The following CAPN1 variants were observed in gnomAD, a reference collection of about 807,000 sequenced individuals.
CAPN1 encodes the protein calpain-1 catalytic subunit.
In CAPN1, 77 loss-of-function variants were observed where a neutral mutation model predicts 105.2. The observed-to-expected ratio is 0.73, with a 90% confidence interval of 0.61 to 0.88. The LOEUF (loss-of-function observed/expected upper bound fraction) is 0.88. Among genes scored for constraint, CAPN1 ranks in the 40% least tolerant of loss-of-function variants. The probability of loss-of-function intolerance (pLI) is 0.00; values close to 1 mark genes in which losing one functional copy is unlikely to be tolerated. For missense variants in CAPN1, 833 were observed against 976.6 expected, an observed-to-expected ratio of 0.85 and a Z score of 1.96; for synonymous variants, 355 against 388.8, an observed-to-expected ratio of 0.91 and a Z score of 1.02.
rs1948668769 is a variant in CAPN1 at position 65,188,398 on chromosome 11, G to T, written c.930-16G>T. ...GTCAGTGCCCACCAGCCCTGGCAGA[G>T]CCCTGCTCCTCACAGCTCCTCAGAG... On this transcript the variant is annotated splice_polypyrimidine_tract_variant and intron_variant, in intron 8 of 21. Transcript: ENST00000279247. The surrounding 1 kb of genome is among the most constrained non-coding windows in gnomAD (Gnocchi z 5.5). The T allele has an allele frequency of 6.2e-7, 1 of 1,603,790 alleles. No homozygotes were observed. Among genetic ancestry groups the T allele is most frequent in the East Asian group, 2.3e-5 (1 of 44,368 alleles).
intron 10 of CAPN1, among the ~76,000 whole-genome samples, chr11:65,200,932 CTTTTTTTTTTTTTTTTTT>C (rs56897147): frequency 1.0e-4 from 5 of 49,458 alleles, no homozygotes; most frequent in African/African-American, 1.4e-4. Context: ...CCATGCCTGG[CTTTTTTTTTTTTTTTTTT>C]TTTTTTTTTT....
rs771391933 is a variant in CAPN1 at position 65,209,293 on chromosome 11, TGGA to T, written c.1730-28_1730-26del. ...GGGCAGGTGCAGGAAGCTCACTAGG[TGGA>T]GATGTTGGAATTGGTTTTTCTTGCA... On this transcript the variant is annotated intron_variant, in intron 16 of 21. Coordinates refer to ENST00000279247, the MANE Select transcript of CAPN1 (RefSeq NM_005186.4). This position sits in a 1 kb window ranked among gnomAD's most constrained non-coding sequence, Gnocchi z 4.1. 10 of 1,597,682 alleles carry T rather than the reference TGGA, an allele frequency of 6.3e-6. No individual in the cohort carries two copies. In the African/African-American group the frequency reaches 1.3e-4, roughly 21 times the overall value.
At chr11:65,200,631 C>T (rs1291576916) in intron 10 of CAPN1, among the ~76,000 whole-genome samples, 1 of 152,100 alleles carries the variant, frequency 6.6e-6, no homozygotes, top group Non-Finnish European at 1.5e-5. Context: ...GTGTGAGCCA[C>T]CGTGCCCGGC....
chr11:65,197,002 A>T (rs1254124907), intron 10 of CAPN1, among the ~76,000 whole-genome samples: 1 of 152,194 alleles, frequency 6.6e-6, no homozygotes, highest in Admixed American at 6.6e-5. Flanking sequence ...TATTATCCTT[A>T]TCTTAGGGAT....
chr11:65,190,960 C>T (rs1036008239), intron 10 of CAPN1, among the ~76,000 whole-genome samples: 2 of 152,172 alleles, frequency 1.3e-5, no homozygotes, highest in Non-Finnish European at 2.9e-5. Context: ...CTGGCTTAGC[C>T]TCCCAAATTG....
chr11:65,211,159 C>A, intron 21 of CAPN1, 101 bp from the exon 22 acceptor site: 3 of 1,336,742 alleles, frequency 2.2e-6, no homozygotes, highest in Non-Finnish European at 3.2e-6. Context: ...CCTGAGGTGG[C>A]TCCTGAGACG....
At chr11:65,205,447 C>A (rs1456327763) in intron 11 of CAPN1, among the ~76,000 whole-genome samples, 4 of 152,114 alleles carry the variant, frequency 2.6e-5, no homozygotes, top group African/African-American at 9.7e-5. Context: ...TGCAGTTGGC[C>A]ACCCCGGGGG....
chr11:65,207,865 G>C (rs1279074635), intron 14 of CAPN1, among the ~76,000 whole-genome samples, 190 bp from the exon 15 acceptor site: 3 of 151,896 alleles, frequency 2.0e-5, no homozygotes, highest in Non-Finnish European at 4.4e-5. Flanking sequence ...AGTGAGCTGA[G>C]ATCACGCCAC....
At chr11:65,182,553 C>A (rs1435625243) in intron 1 of CAPN1, 148 bp from the exon 2 acceptor site, 11 of 823,158 alleles carry the variant, frequency 1.3e-5, no homozygotes, top group Non-Finnish European at 2.0e-5. Flanking sequence ...TGGCTGAGAA[C>A]CCTACTTCTG....
intron 12 of CAPN1, 80 bp from the exon 13 acceptor site, chr11:65,206,383 T>G (rs1186641143): frequency 3.6e-6 from 4 of 1,100,892 alleles, no homozygotes; most frequent in Non-Finnish European, 5.5e-6. Flanking sequence ...ACAAGGAGCC[T>G]GGAGTCTGGG....
chr11:65,195,495 G>GT (rs1462990104), intron 10 of CAPN1, among the ~76,000 whole-genome samples: 2 of 152,074 alleles, frequency 1.3e-5, no homozygotes, highest in African/African-American at 2.4e-5. Context: ...TCATTTTGAG[G>GT]TTTTTTTCCC....
intron 11 of CAPN1, 30 bp downstream of exon 11, chr11:65,204,888 A>G (rs1948930777): frequency 6.3e-7 from 1 of 1,577,010 alleles, no homozygotes; most frequent in Non-Finnish European, 8.7e-7. Context: ...GGTGGATCTC[A>G]CTGAGCAGGC....
rs376655809 is a variant in CAPN1, at chr11:65,211,363, AG to A, written c.*79del. 7.3e-4 allele frequency: 1,040 copies of A among 1,432,676 alleles called. 9 individuals are homozygous for A. In the East Asian group the frequency reaches 0.019, roughly 26 times the overall value. 88.7% of individuals were successfully genotyped at this position (1,432,676 alleles called of 1,614,324 possible). A position where few individuals can be genotyped will look rare whatever the true frequency, so the allele number is the denominator to read the frequency against. ...GCCTCGCCTCCTACCACACCACACC[AG>A]GCCACCCCAGCTGCAAGTGCCTTCC... is the stretch of plus-strand genomic sequence containing the variant. On this transcript the variant is annotated 3_prime_UTR_variant, in exon 22 of 22. Coordinates refer to ENST00000279247, the MANE Select transcript of CAPN1 (RefSeq NM_005186.4).
At chr11:65,191,284 C>T (rs915963938) in intron 10 of CAPN1, among the ~76,000 whole-genome samples, 1 of 152,058 alleles carries the variant, frequency 6.6e-6, no homozygotes, top group African/African-American at 2.4e-5. Context: ...AATTTTGTTT[C>T]TATTATAAAT....
intron 10 of CAPN1, among the ~76,000 whole-genome samples, chr11:65,201,642 C>T (rs906039941): frequency 4.0e-5 from 6 of 151,876 alleles, no homozygotes; most frequent in East Asian, 1.9e-4. Context: ...CTCAGCCTCC[C>T]GAGTAGCTGG....
chr11:65,211,175 T>G (rs1949042968), intron 21 of CAPN1, 85 bp from the exon 22 acceptor site: 1 of 1,484,054 alleles, frequency 6.7e-7, no homozygotes, highest in Non-Finnish European at 9.3e-7. Context: ...AGACGTGGAG[T>G]TGGGGGCTGG....
chr11:65,181,407 C>A, upstream of CAPN1: 1 of 245,680 alleles, frequency 4.1e-6, no homozygotes, highest in Non-Finnish European at 8.4e-6. This position sits in a 1 kb window ranked among gnomAD's most constrained non-coding sequence, Gnocchi z 4.6. Flanking sequence ...TGCCGCAGCC[C>A]GAGGTAATCT....
chr11:65,181,625 GC>G, upstream of CAPN1: 1 of 397,592 alleles, frequency 2.5e-6, no homozygotes, highest in South Asian at 1.7e-5. This position sits in a 1 kb window ranked among gnomAD's most constrained non-coding sequence, Gnocchi z 4.6. Flanking sequence ...CCCCTGCCCG[GC>G]CCTCCCCCTC....
chr11:65,191,734 T>A (rs1012541253), intron 10 of CAPN1, among the ~76,000 whole-genome samples: 63 of 152,238 alleles, frequency 4.1e-4, no homozygotes, highest in African/African-American at 1.4e-3. Flanking sequence ...TTGTTTCTTC[T>A]TTTCTAATTC....
Sources: gnomAD v4.1 joint callset for allele counts (sites outside exome capture counted in the v4.1 genomes callset) on GRCh38, gnomAD v4.1.1 for gene constraint, Gnocchi (gnomAD v3.1) non-coding constraint, MANE v1.5 for transcripts, NCBI Gene and HGNC (gene_info 2026-07-23, HGNC 2026-07-21) for gene names.